The following ASB3 variants were observed in gnomAD, a reference collection of about 807,000 sequenced individuals.
ASB3 encodes ankyrin repeat and SOCS box containing 3.
In ASB3, 41 loss-of-function variants were observed where a neutral mutation model predicts 54.5. That is an observed-to-expected ratio of 0.75 (90% CI 0.59 to 0.98). The LOEUF is 0.98. ASB3 is among the 50% of genes least tolerant of loss of function. The pLI, the probability that ASB3 is intolerant of heterozygous loss-of-function variation, is 0.00. For missense variants in ASB3, 733 were observed against 620.0 expected, an observed-to-expected ratio of 1.18 and a Z score of -1.94; for synonymous variants, 266 against 221.2, an observed-to-expected ratio of 1.20 and a Z score of -1.80.
At chr2:53,725,345 T>C (rs993138229) in intron 5 of ASB3, among the ~76,000 whole-genome samples, 1 of 152,200 alleles carries the variant, frequency 6.6e-6, no homozygotes, top group Non-Finnish European at 1.5e-5. Context: ...CTATGCCCAC[T>C]GTCTAAGTGA....
At chr2:53,774,680 C>T (rs1558576891) in intron 1 of ASB3, 1 of 558,814 alleles carries the variant, frequency 1.8e-6, no homozygotes, top group Non-Finnish European at 2.9e-6. Flanking sequence ...TATTGGGATA[C>T]AGTGAAAGAA....
chr2:53,673,703 A>T (rs751761435), intron 9 of ASB3, among the ~76,000 whole-genome samples: 2 of 152,210 alleles, frequency 1.3e-5, no homozygotes, highest in African/African-American at 4.8e-5. Context: ...GATAAGCTCA[A>T]TATAATTCTC....
At chr2:53,690,544 T>C (rs557647757) in intron 9 of ASB3, among the ~76,000 whole-genome samples, 4 of 152,144 alleles carry the variant, frequency 2.6e-5, no homozygotes, top group South Asian at 4.1e-4. Flanking sequence ...TCCAAGAAAA[T>C]CTATTCTGAG....
chr2:53,694,181 T>A, intron 8 of ASB3, 167 bp from the exon 9 acceptor site: 1 of 675,680 alleles, frequency 1.5e-6, no homozygotes, highest in Non-Finnish European at 2.4e-6. Flanking sequence ...CAGAGGATAT[T>A]AACAATCATC....
chr2:53,743,123 G>C (rs566717126), intron 3 of ASB3, among the ~76,000 whole-genome samples: 8 of 148,696 alleles, frequency 5.4e-5, no homozygotes, highest in African/African-American at 1.7e-4. Context: ...TGCTGTTCAA[G>C]TTTGAATCAT....
intron 7 of ASB3, among the ~76,000 whole-genome samples, chr2:53,704,768 G>A (rs1424044158): frequency 6.6e-6 from 1 of 151,992 alleles, no homozygotes; most frequent in Non-Finnish European, 1.5e-5. Flanking sequence ...AATAATGAAA[G>A]GTTTTCCTTT....
At chr2:53,726,194 G>T (rs532821963) in intron 5 of ASB3, among the ~76,000 whole-genome samples, 15 of 150,374 alleles carry the variant, frequency 1.0e-4, no homozygotes, top group Admixed American at 6.6e-5. Flanking sequence ...AGCTCCAGGC[G>T]ACAAGAAAAC....
At chr2:53,773,850 C>T (rs1042902300) in intron 1 of ASB3, among the ~76,000 whole-genome samples, 5 of 151,926 alleles carry the variant, frequency 3.3e-5, no homozygotes, top group African/African-American at 4.8e-5. Flanking sequence ...GCCTGGCCAA[C>T]GTGACAAAAC....
chr2:53,698,986 G>C (rs1170446467), intron 8 of ASB3, among the ~76,000 whole-genome samples: 4 of 152,186 alleles, frequency 2.6e-5, no homozygotes, highest in South Asian at 2.1e-4. Context: ...TTCTGTCTTA[G>C]TCCATTCTCT....
At chr2:53,671,547 G>T (rs1341731143) in intron 9 of ASB3, among the ~76,000 whole-genome samples, 1 of 152,122 alleles carries the variant, frequency 6.6e-6, no homozygotes, top group South Asian at 2.1e-4. Context: ...ATCACCTGAC[G>T]TCAGGAGTTC....
At chr2:53,689,383 T>C (rs1668793743) in intron 9 of ASB3, among the ~76,000 whole-genome samples, 1 of 152,240 alleles carries the variant, frequency 6.6e-6, no homozygotes, top group Admixed American at 6.5e-5. Context: ...TGATATGTTA[T>C]AAACTGAGCA....
chr2:53,780,991 G>A (rs1674612278), intron 1 of ASB3, among the ~76,000 whole-genome samples: 1 of 152,074 alleles, frequency 6.6e-6, no homozygotes, highest in South Asian at 2.1e-4. Flanking sequence ...TATTTTCTAC[G>A]ATGATGAAAA....
rs1316386652 is a variant in ASB3 at position 53,749,142 on chromosome 2, C to T, written c.355+1641G>A. 5.3e-5 allele frequency among the ~76,000 whole-genome samples: 8 copies of T among 151,896 alleles called. No homozygotes were observed. In the East Asian group the frequency reaches 1.2e-3, roughly 22 times the overall value. On this transcript the variant is annotated intron_variant, in intron 3 of 9. Transcript: ENST00000263634. ...AGTCTGAAATTATTTCAAAACAAAA[C>T]GTCTAAATACAAAAGTAATGAGGAA...
At chr2:53,773,409 G>A (rs1166693288) in intron 1 of ASB3, among the ~76,000 whole-genome samples, 2 of 151,482 alleles carry the variant, frequency 1.3e-5, no homozygotes, top group East Asian at 1.9e-4. Context: ...CACTTTAAGT[G>A]AAGAAAAACT....
chr2:53,779,727 A>G lies in ASB3; in HGVS notation c.-14+7094T>C, dbSNP rs532062499. Among the ~76,000 whole-genome samples the G allele has an allele frequency of 6.6e-5, 10 of 152,298 alleles. No individual in the cohort carries two copies. The East Asian group carries it at 1.9e-3, about 29-fold the overall frequency. On this transcript the variant is annotated intron_variant, in intron 1 of 9. Transcript: ENST00000263634. ...GATGGGATTACAGGTATGAGCCACT[A>G]TGCCCAGTCCAATCAAGTAATTTCT...
chr2:53,683,655 C>T (rs1171384193), intron 9 of ASB3, among the ~76,000 whole-genome samples: 3 of 152,014 alleles, frequency 2.0e-5, no homozygotes, highest in Non-Finnish European at 4.4e-5. Flanking sequence ...AATCTTATTA[C>T]TTGTTATTGG....
At chr2:53,759,964 T>C (rs1476251600) in intron 2 of ASB3, among the ~76,000 whole-genome samples, 1 of 152,194 alleles carries the variant, frequency 6.6e-6, no homozygotes, top group East Asian at 1.9e-4. Context: ...GGCGCAGCTG[T>C]CTCAGTCTTA....
intron 5 of ASB3, among the ~76,000 whole-genome samples, chr2:53,719,114 G>A (rs1013823804): frequency 6.6e-5 from 10 of 152,140 alleles, no homozygotes; most frequent in Non-Finnish European, 1.3e-4. Context: ...AGATAGAGAC[G>A]GGGTTTCACC....
At chr2:53,682,065 C>G (rs1260233197) in intron 9 of ASB3, among the ~76,000 whole-genome samples, 1 of 150,222 alleles carries the variant, frequency 6.7e-6, no homozygotes, top group Non-Finnish European at 1.5e-5. Flanking sequence ...GAGGCTGAGG[C>G]AGGAGAATTG....
Sources: allele counts gnomAD v4.1 joint callset (sites outside exome capture counted in the v4.1 genomes callset), GRCh38; gene constraint gnomAD v4.1.1; transcripts MANE v1.5; gene names NCBI Gene and HGNC (gene_info 2026-07-23, HGNC 2026-07-21).